KLHL25: variants seen among roughly 807,000 people sequenced by gnomAD.
KLHL25 encodes kelch-like protein 25.
Under a neutral mutation model 30.0 loss-of-function variants are expected in KLHL25, and 41 were observed. That is an observed-to-expected ratio of 1.37 (90% CI 1.07 to 1.78). The LOEUF is 1.78. Among genes scored for constraint, KLHL25 ranks in the 40% most tolerant of loss-of-function variants. The pLI is 0.00. For synonymous variants in KLHL25, 399 were observed against 355.3 expected (o/e 1.12, Z -1.38); for missense variants, 971 against 824.5 (o/e 1.18, Z -2.18).
chr15:85,770,800 C>G (rs2089666030), intron 1 of KLHL25, among the ~76,000 whole-genome samples: 1 of 152,210 alleles, frequency 6.6e-6, no homozygotes, highest in Admixed American at 6.5e-5. Flanking sequence ...CCCTTCTCCA[C>G]CAGGCCTGGG....
chr15:85,790,804 G>C (rs866050409), intron 1 of KLHL25, among the ~76,000 whole-genome samples: 26 of 152,072 alleles, frequency 1.7e-4, no homozygotes, highest in Admixed American at 1.3e-4. Flanking sequence ...GGAGACCACT[G>C]TGGGAGAAAA....
chr15:85,784,081 C>T (rs958028156), intron 1 of KLHL25, among the ~76,000 whole-genome samples: 2 of 152,230 alleles, frequency 1.3e-5, no homozygotes, highest in Non-Finnish European at 2.9e-5. Flanking sequence ...GATGCAGGTC[C>T]ATGGATGTCG....
chr15:85,779,713 C>G (rs889411176), intron 1 of KLHL25, among the ~76,000 whole-genome samples: 1 of 152,208 alleles, frequency 6.6e-6, no homozygotes, highest in Non-Finnish European at 1.5e-5. Flanking sequence ...TGAACAAAGA[C>G]TGATTAAAGG....
At chr15:85,775,346 A>G (rs750106253) in intron 1 of KLHL25, among the ~76,000 whole-genome samples, 6 of 152,194 alleles carry the variant, frequency 3.9e-5, no homozygotes, top group Non-Finnish European at 7.3e-5. Flanking sequence ...GCTGAAATTC[A>G]GGCTGCATGA....
chr15:85,778,022 C>A (rs971710010), intron 1 of KLHL25, among the ~76,000 whole-genome samples: 1 of 152,218 alleles, frequency 6.6e-6, no homozygotes, highest in African/African-American at 2.4e-5. Flanking sequence ...TCTGCCGCAG[C>A]AAGGAACAAC....
intron 2 of KLHL25, chr15:85,762,570 C>A (rs1217203207): frequency 6.6e-6 from 1 of 152,398 alleles, no homozygotes; most frequent in Non-Finnish European, 1.5e-5. Context: ...GGGTCAGCGG[C>A]CGCCCTGCAC....
At chr15:85,785,357 T>C (rs1468297587) in intron 1 of KLHL25, among the ~76,000 whole-genome samples, 2 of 152,154 alleles carry the variant, frequency 1.3e-5, no homozygotes, top group Non-Finnish European at 2.9e-5. Flanking sequence ...CCTCCCAAAG[T>C]GCTGGGATTA....
intron 1 of KLHL25, among the ~76,000 whole-genome samples, chr15:85,777,438 G>C (rs1160213553): frequency 1.3e-5 from 2 of 152,138 alleles, no homozygotes; most frequent in African/African-American, 4.8e-5. Context: ...CAATGAATCA[G>C]AGGATTACTC....
In KLHL25 at chr15:85,768,021, C is replaced by T. The variant is rs958827283; in HGVS notation, c.*20G>A. ...CGTGGGCTGCCAGGGACTCACCTGG[C>T]TGGGCTCAGCAGGTGCTCCTCACGC... On this transcript the variant is annotated 3_prime_UTR_variant, in exon 2 of 3. Transcript: ENST00000337975. 4.4e-6 allele frequency: 7 copies of T among 1,595,586 alleles called. No homozygotes were observed. In the South Asian group the frequency reaches 7.8e-5, roughly 18 times the overall value.
intron 1 of KLHL25, among the ~76,000 whole-genome samples, chr15:85,790,613 T>G (rs2089810299): frequency 6.6e-6 from 1 of 152,184 alleles, no homozygotes; most frequent in Non-Finnish European, 1.5e-5. Flanking sequence ...ACAGGCAAGC[T>G]GGGGCCAAGC....
rs377559733 is a variant in KLHL25, at chr15:85,768,499, C to A, written c.1312G>T (p.Ala438Ser). 5.0e-6 allele frequency: 8 copies of A among 1,613,714 alleles called. No homozygotes were observed. The highest frequency in any genetic ancestry group is 4.5e-5 in the East Asian group (2 of 44,874). The change falls in exon 2 of 3, where the codon GCA becomes TCA. Residue 438 changes from alanine (A) to serine (S), a missense_variant. Ala to Ser is a moderately conservative substitution (Grantham distance 99). Coordinates refer to ENST00000337975, the MANE Select transcript of KLHL25 (RefSeq NM_022480.4). ...APLRDGVSNA[A>S]VVSAKLKLFV... is the part of the protein sequence containing the mutation. ...AGCTTCAGCTTGGCACTCACCACTG[C>A]GGCATTGCTGACGCCATCCCGCAAG... is the stretch of plus-strand genomic sequence containing the variant.
At chr15:85,782,477 A>G (rs1268304933) in intron 1 of KLHL25, among the ~76,000 whole-genome samples, 1 of 140,132 alleles carries the variant, frequency 7.1e-6, no homozygotes, top group Non-Finnish European at 1.5e-5. Context: ...GCTTTGTCCC[A>G]CCCCCAGCCC....
chr15:85,791,738 G>T (rs534844742), intron 1 of KLHL25, among the ~76,000 whole-genome samples: 2 of 152,134 alleles, frequency 1.3e-5, no homozygotes, highest in African/African-American at 4.8e-5. Flanking sequence ...AGGGGAGCCC[G>T]GCATGACTGA....
chr15:85,776,258 G>A (rs1370151922), intron 1 of KLHL25, among the ~76,000 whole-genome samples: 7 of 151,324 alleles, frequency 4.6e-5, no homozygotes, highest in Non-Finnish European at 1.0e-4. Flanking sequence ...GGAGGCTGAA[G>A]CGGGCAGATC....
rs1271297570 is a variant in KLHL25, at chr15:85,760,166, G to C, written c.*870C>G. On this transcript the variant is annotated 3_prime_UTR_variant, in exon 3 of 3. Coordinates refer to ENST00000337975, the MANE Select transcript of KLHL25 (RefSeq NM_022480.4). ...TGTCTCCAGCTCACAGCTGCTCCTGGTCTTGGAGGGCAGCGTGGTCTCCTG... is the reference window on the plus strand; with the variant it reads ...TGTCTCCAGCTCACAGCTGCTCCTGCTCTTGGAGGGCAGCGTGGTCTCCTG... 6.6e-6 allele frequency: 1 copy of C among 152,316 alleles called. No individual in the cohort carries two copies. The highest frequency in any genetic ancestry group is 2.4e-5 in the African/African-American group (1 of 41,464). 9.4% of individuals were successfully genotyped at this position (152,316 alleles called of 1,614,324 possible). A position where few individuals can be genotyped will look rare whatever the true frequency, so the allele number is the denominator to read the frequency against.
Position 85,768,198 on chromosome 15 carries a change from T to C in KLHL25, c.1613A>G (p.Asn538Ser), listed in dbSNP as rs374055053. Residue 538 changes from asparagine (N) to serine (S), a missense_variant, in exon 2 of 3, where the codon AAC becomes AGC. By Grantham distance (46) the Asn-to-Ser change is conservative. Transcript: ENST00000337975. ...GTAGCCCCCGACCACATAGAGCTTGTTGCCGGAAGCCAGGGCATGGCAGGA... is the reference window on the plus strand; with the variant it reads ...GTAGCCCCCGACCACATAGAGCTTGCTGCCGGAAGCCAGGGCATGGCAGGA... The part of the protein sequence containing the change: ...RMSCHALASG[N>S]KLYVVGGYFG... 6.2e-6 allele frequency: 10 copies of C among 1,614,116 alleles called. No homozygotes were observed. Among genetic ancestry groups the C allele is most frequent in the Middle Eastern group, 1.6e-4 (1 of 6,084 alleles).
At chr15:85,794,509 A>G (rs1455915753) in intron 1 of KLHL25, among the ~76,000 whole-genome samples, 1 of 152,122 alleles carries the variant, frequency 6.6e-6, no homozygotes, top group Admixed American at 6.5e-5. Flanking sequence ...TCCATTTGCC[A>G]AACAATTCAT....
intron 1 of KLHL25, among the ~76,000 whole-genome samples, chr15:85,777,629 G>A (rs1189930519): frequency 6.6e-6 from 1 of 152,192 alleles, no homozygotes; most frequent in Non-Finnish European, 1.5e-5. Flanking sequence ...AGGATTGACC[G>A]CAGAGTCCCA....
chr15:85,794,702 C>T (rs2089840999), intron 1 of KLHL25, 64 bp downstream of exon 1: 1 of 152,098 alleles, frequency 6.6e-6, no homozygotes, highest in Non-Finnish European at 1.5e-5. Flanking sequence ...GTCCCCAGCG[C>T]AGGGAGCGGG....
Sources: gnomAD v4.1 joint callset for allele counts (sites outside exome capture counted in the v4.1 genomes callset) on GRCh38, gnomAD v4.1.1 for gene constraint, MANE v1.5 for transcripts, NCBI Gene and HGNC (gene_info 2026-07-23, HGNC 2026-07-21) for gene names.